Variants in CFAP20DC observed in about 807,000 individuals in gnomAD.
CFAP20DC encodes the protein CFAP20 domain containing.
Under a neutral mutation model 101.7 loss-of-function variants are expected in CFAP20DC, and 84 were observed. That is an observed-to-expected ratio of 0.83 (90% CI 0.69 to 0.99). The LOEUF (loss-of-function observed/expected upper bound fraction) is 0.99. CFAP20DC is among the 50% of genes least tolerant of loss of function. CFAP20DC has a pLI of 0.00. For synonymous variants in CFAP20DC, 359 were observed against 351.2 expected (o/e 1.02, Z -0.25); for missense variants, 1,007 against 970.3 (o/e 1.04, Z -0.50).
intron 4 of CFAP20DC, among the ~76,000 whole-genome samples, chr3:59,037,439 A>C (rs576980250): frequency 6.6e-6 from 1 of 152,120 alleles, no homozygotes; most frequent in Non-Finnish European, 1.5e-5. Context: ...TTACAATAAA[A>C]AAAAAAAAAC....
chr3:58,800,198 G>A (rs1243029113), intron 15 of CFAP20DC, among the ~76,000 whole-genome samples: 4 of 152,174 alleles, frequency 2.6e-5, no homozygotes, highest in African/African-American at 9.7e-5. Context: ...TATACCACTT[G>A]GTTGCTAAGC....
chr3:58,823,673 T>A (rs1260012522), intron 14 of CFAP20DC, among the ~76,000 whole-genome samples: 1 of 152,108 alleles, frequency 6.6e-6, no homozygotes, highest in Non-Finnish European at 1.5e-5. Flanking sequence ...TCTCAACCAC[T>A]AGTCTGTAGT....
intron 4 of CFAP20DC, among the ~76,000 whole-genome samples, chr3:58,950,724 C>T (rs1039185297): frequency 6.6e-6 from 1 of 152,176 alleles, no homozygotes; most frequent in Non-Finnish European, 1.5e-5. Flanking sequence ...AAAGCTGAAG[C>T]TGGATCTCTT....
intron 6 of CFAP20DC, among the ~76,000 whole-genome samples, chr3:58,910,620 A>G (rs1403893267): frequency 1.3e-5 from 2 of 152,040 alleles, no homozygotes; most frequent in Non-Finnish European, 2.9e-5. Flanking sequence ...GTGATGAGCT[A>G]TCTCAATCTG....
chr3:58,764,197 C>T (rs2070019795), intron 15 of CFAP20DC, among the ~76,000 whole-genome samples: 2 of 152,192 alleles, frequency 1.3e-5, no homozygotes, highest in East Asian at 1.9e-4. Context: ...GTTTGAGCTT[C>T]CCAGCTGCTT....
chr3:59,037,730 A>T (rs1228934805), intron 4 of CFAP20DC, among the ~76,000 whole-genome samples: 1 of 152,122 alleles, frequency 6.6e-6, no homozygotes, highest in African/African-American at 2.4e-5. Context: ...ATTCCTCAAG[A>T]ATCTAGAACC....
intron 4 of CFAP20DC, among the ~76,000 whole-genome samples, chr3:59,023,892 G>A (rs1432773442): frequency 1.3e-5 from 2 of 151,976 alleles, no homozygotes; most frequent in Admixed American, 6.6e-5. Context: ...ACCTTATGAG[G>A]GAGCAATGGC....
chr3:58,832,517 T>G (rs923526206), intron 13 of CFAP20DC, among the ~76,000 whole-genome samples: 4 of 152,192 alleles, frequency 2.6e-5, no homozygotes, highest in African/African-American at 4.8e-5. Context: ...AGTGAATTGA[T>G]GAATTTCATC....
chr3:58,982,978 G>C (rs553514402), intron 4 of CFAP20DC, among the ~76,000 whole-genome samples: 4 of 152,172 alleles, frequency 2.6e-5, no homozygotes. Context: ...TGGATAATAT[G>C]AATGAAAGAG....
intron 15 of CFAP20DC, among the ~76,000 whole-genome samples, chr3:58,802,102 C>T (rs551152170): frequency 6.6e-6 from 1 of 152,296 alleles, no homozygotes; most frequent in East Asian, 1.9e-4. Context: ...GACTCCATCC[C>T]TATGAACAGA....
At chr3:59,047,338 C>T (rs1699943328) in intron 1 of CFAP20DC, 84 bp from the exon 2 acceptor site, 2 of 881,226 alleles carry the variant, frequency 2.3e-6, no homozygotes, top group African/African-American at 3.3e-5. Flanking sequence ...GTGTTCCCGG[C>T]ATCTGTCAGT....
intron 14 of CFAP20DC, among the ~76,000 whole-genome samples, chr3:58,815,770 C>T (rs1404468088): frequency 3.3e-5 from 5 of 149,844 alleles, no homozygotes; most frequent in African/African-American, 1.2e-4. Context: ...TGCTCATCAT[C>T]ACTGGCCATC....
intron 4 of CFAP20DC, among the ~76,000 whole-genome samples, chr3:59,010,147 G>C (rs1553766180): frequency 6.6e-6 from 1 of 151,120 alleles, no homozygotes; most frequent in South Asian, 2.1e-4. Flanking sequence ...CAGTAACAAT[G>C]AAAAAAAACA....
chr3:58,841,124 C>A (rs1417177239), intron 13 of CFAP20DC, among the ~76,000 whole-genome samples: 1 of 152,208 alleles, frequency 6.6e-6, no homozygotes, highest in Non-Finnish European at 1.5e-5. Flanking sequence ...GGAGAACCAC[C>A]CCTAAGTGAA....
At chr3:58,818,466 A>G (rs1202015518) in intron 14 of CFAP20DC, among the ~76,000 whole-genome samples, 1 of 151,644 alleles carries the variant, frequency 6.6e-6, no homozygotes, top group Non-Finnish European at 1.5e-5. Flanking sequence ...CAAATGGAAA[A>G]CTGAAAAAGG....
intron 5 of CFAP20DC, among the ~76,000 whole-genome samples, chr3:58,933,472 C>T (rs376248913): frequency 5.9e-5 from 9 of 152,184 alleles, no homozygotes; most frequent in Non-Finnish European, 1.2e-4. Flanking sequence ...AATACACATT[C>T]TTTTCAGCAC....
chr3:58,909,131 A>G (rs966940314), intron 6 of CFAP20DC, among the ~76,000 whole-genome samples: 4 of 152,272 alleles, frequency 2.6e-5, no homozygotes, highest in African/African-American at 9.6e-5. Context: ...ACCAAGAATG[A>G]ATTCTAATGT....
At chr3:58,901,270 G>A (rs908799547) in intron 6 of CFAP20DC, among the ~76,000 whole-genome samples, 1 of 152,144 alleles carries the variant, frequency 6.6e-6, no homozygotes, top group Non-Finnish European at 1.5e-5. Flanking sequence ...GTAACTCTCA[G>A]ATTTTCTCTG....
At chr3:58,726,915 T>A (rs2067560561) in intron 3 of CFAP20DC, 1 of 234,052 alleles carries the variant, frequency 4.3e-6, no homozygotes, top group Non-Finnish European at 8.5e-6. Context: ...TCAGAAGAGA[T>A]GAGAGCGACC....
Sources: allele counts gnomAD v4.1 joint callset (sites outside exome capture counted in the v4.1 genomes callset), GRCh38; gene constraint gnomAD v4.1.1; transcripts MANE v1.5; gene names NCBI Gene and HGNC (gene_info 2026-07-23, HGNC 2026-07-21).